TPD52: variants seen among roughly 807,000 people sequenced by gnomAD.
The protein encoded by TPD52 is prostate and colon associated protein.
In TPD52, 17 loss-of-function variants were observed where a neutral mutation model predicts 31.3. The observed-to-expected ratio is 0.54, with a 90% CI of 0.37 to 0.82. TPD52 has a LOEUF of 0.82. TPD52 is among the 40% of genes least tolerant of loss of function. TPD52 has a pLI of 0.00. For synonymous variants in TPD52, 83 were observed against 89.6 expected (o/e 0.93, Z 0.42); for missense variants, 212 against 240.1 (o/e 0.88, Z 0.77).
intron 1 of TPD52, among the ~76,000 whole-genome samples, chr8:80,120,897 T>C (rs1021549750): frequency 2.6e-5 from 4 of 151,920 alleles, no homozygotes; most frequent in African/African-American, 7.3e-5. Flanking sequence ...CAGGCCAAGA[T>C]GGTGAAACCC....
At chr8:80,143,029 G>C (rs941645524) in intron 1 of TPD52, among the ~76,000 whole-genome samples, 19 of 152,158 alleles carry the variant, frequency 1.2e-4, no homozygotes, top group Admixed American at 5.9e-4. Flanking sequence ...TGGTCACAAA[G>C]CATGAACTTG....
intron 2 of TPD52, among the ~76,000 whole-genome samples, chr8:80,057,515 C>T (rs1406884675): frequency 1.3e-5 from 2 of 152,308 alleles, no homozygotes; most frequent in East Asian, 3.9e-4. Flanking sequence ...ATGTCCTTTG[C>T]TGCAACATGG....
rs113660828 is a variant in TPD52, at chr8:80,101,448, C to CAA, written c.20-36857_20-36856dup. 4.9e-3 allele frequency among the ~76,000 whole-genome samples: 559 copies of CAA among 114,554 alleles called. 21 individuals are homozygous for CAA. The highest frequency in any genetic ancestry group is 0.012 in the African/African-American group (431 of 34,486). The allele number at this position is 114,554 out of a possible 152,430, so 75.2% of individuals were successfully genotyped here. ...GGGCGACAGAGTGAGACTCCCAGCT[C>CAA]AAAAAAAAAAAAAAAAAAAAAAAAA... On this transcript the variant is annotated intron_variant, in intron 1 of 7. Coordinates refer to ENST00000518937, the MANE Select transcript of TPD52 (RefSeq NM_001025253.3).
At chr8:80,080,459 A>G (rs1217441968) in intron 1 of TPD52, 1 of 1,613,828 alleles carries the variant, frequency 6.2e-7, no homozygotes, top group Non-Finnish European at 8.5e-7. Context: ...TCCATTCCAG[A>G]CAAACGCAGA....
chr8:80,141,269 A>C (rs550869131), intron 1 of TPD52, among the ~76,000 whole-genome samples: 1 of 152,172 alleles, frequency 6.6e-6, no homozygotes, highest in African/African-American at 2.4e-5. Context: ...CCAGTGGGTC[A>C]TCTCTATGAC....
At chr8:80,060,807 G>C (rs1002741708) in intron 2 of TPD52, among the ~76,000 whole-genome samples, 2 of 147,476 alleles carry the variant, frequency 1.4e-5, no homozygotes, top group Admixed American at 1.3e-4. Flanking sequence ...AGGAATAAAA[G>C]AGAACTTCCT....
chr8:80,171,228 T>G (rs1397105561), intron 1 of TPD52, 197 bp downstream of exon 1: 1 of 729,766 alleles, frequency 1.4e-6, no homozygotes, highest in Non-Finnish European at 2.4e-6. Flanking sequence ...CAGTCCCATC[T>G]GCCCCCGCCA....
chr8:80,120,753 A>T (rs1298217412), intron 1 of TPD52, among the ~76,000 whole-genome samples: 1 of 152,212 alleles, frequency 6.6e-6, no homozygotes, highest in Non-Finnish European at 1.5e-5. Context: ...CTTATGTCTT[A>T]TAACATAGAG....
intron 1 of TPD52, among the ~76,000 whole-genome samples, chr8:80,121,192 A>G (rs527645674): frequency 1.3e-5 from 2 of 152,284 alleles, no homozygotes; most frequent in African/African-American, 4.8e-5. Context: ...GATCATTATC[A>G]AGACGTCAAA....
chr8:80,144,388 T>TA (rs1388699136), intron 1 of TPD52, among the ~76,000 whole-genome samples: 7 of 152,044 alleles, frequency 4.6e-5, no homozygotes, highest in Non-Finnish European at 1.0e-4. Context: ...GGACAGCCCA[T>TA]AAAAAAACTA....
chr8:80,050,436 T>C lies in TPD52; in HGVS notation c.413+9A>G. 1 of 1,605,492 alleles carries C rather than the reference T, an allele frequency of 6.2e-7. No individual in the cohort carries two copies. On this transcript the variant is annotated intron_variant, in intron 5 of 7. Coordinates refer to ENST00000518937, the MANE Select transcript of TPD52 (RefSeq NM_001025253.3). ...GCTGGACTGCAGTGATGGTTCAAAC[T>C]CTCCTTACCTAAAGGAATGTGAAAA...
At chr8:80,062,569 C>T (rs752856287) in intron 2 of TPD52, among the ~76,000 whole-genome samples, 48 of 152,166 alleles carry the variant, frequency 3.2e-4, no homozygotes, top group Non-Finnish European at 6.5e-4. Context: ...TAATCAACAA[C>T]ACAGAAAATA....
At chr8:80,053,216 T>C in intron 3 of TPD52, 66 bp downstream of exon 3, 1 of 1,532,186 alleles carries the variant, frequency 6.5e-7, no homozygotes, top group Non-Finnish European at 8.8e-7. Flanking sequence ...TCTTCCCCTC[T>C]CCAGACAAAA....
chr8:80,049,968 A>AC (rs1811202488), intron 5 of TPD52, among the ~76,000 whole-genome samples: 1 of 151,744 alleles, frequency 6.6e-6, no homozygotes, highest in South Asian at 2.1e-4. Flanking sequence ...CACAACAACA[A>AC]AAAAAAAGGT....
At chr8:80,141,532 A>G (rs547252163) in intron 1 of TPD52, among the ~76,000 whole-genome samples, 2 of 152,294 alleles carry the variant, frequency 1.3e-5, no homozygotes, top group Admixed American at 1.3e-4. Flanking sequence ...TGCCCCAGCC[A>G]ACAACTCTAC....
In TPD52 at chr8:80,078,507, G is replaced by T. The variant is rs189512108; in HGVS notation, c.20-13914C>A. ...ATCGACCAACCATGTTTGATGTTCA[G>T]ACAGGTGTGCAGACTTCTTATGCCC... On this transcript the variant is annotated intron_variant, in intron 1 of 7. Transcript: ENST00000518937. 1.7e-3 allele frequency among the ~76,000 whole-genome samples: 263 copies of T among 152,306 alleles called. 1 individual carries two copies. The highest frequency in any genetic ancestry group is 3.2e-3 in the Non-Finnish European group (215 of 68,026).
chr8:80,147,081 C>G (rs142905159), intron 1 of TPD52, among the ~76,000 whole-genome samples: 201 of 152,312 alleles, frequency 1.3e-3, no homozygotes, highest in African/African-American at 4.7e-3. Context: ...TTGAGAACCA[C>G]TGGCCTACAT....
In TPD52 at chr8:80,060,239, G is replaced by T. The variant is rs538964711; in HGVS notation, c.135+4239C>A. Among the ~76,000 whole-genome samples the T allele has an allele frequency of 2.1e-5, 3 of 146,104 alleles. No homozygotes were observed. In the East Asian group the frequency reaches 6.0e-4, roughly 29 times the overall value. On this transcript the variant is annotated intron_variant, in intron 2 of 7. Transcript: ENST00000518937. Reference sequence around the variant, plus strand: ...TATAGAAACAGAAAGGATTATAAAAGAATATTATGAGCAATTGTACACCAA... The same window carrying T: ...TATAGAAACAGAAAGGATTATAAAATAATATTATGAGCAATTGTACACCAA...
At chr8:80,151,428 A>G (rs1810560661) in intron 1 of TPD52, among the ~76,000 whole-genome samples, 1 of 152,248 alleles carries the variant, frequency 6.6e-6, no homozygotes, top group African/African-American at 2.4e-5. Flanking sequence ...GTTAAAGTAT[A>G]TTAAACAAAA....
Sources: allele counts gnomAD v4.1 joint callset (sites outside exome capture counted in the v4.1 genomes callset), GRCh38; gene constraint gnomAD v4.1.1; transcripts MANE v1.5; gene names NCBI Gene and HGNC (gene_info 2026-07-23, HGNC 2026-07-21).